Variants in MYO16 observed in about 807,000 individuals in gnomAD.
MYO16 encodes unconventional myosin-XVI.
In MYO16, 94 loss-of-function variants were observed where a neutral mutation model predicts 205.3. The observed-to-expected ratio is 0.46, with a 90% CI of 0.39 to 0.54. The LOEUF is 0.54. Among genes scored for constraint, MYO16 ranks in the 20% least tolerant of loss-of-function variants. MYO16 has a pLI of 0.00. For missense variants in MYO16, 2,315 were observed against 2,387.5 expected, an observed-to-expected ratio of 0.97 and a Z score of 0.63; for synonymous variants, 988 against 954.0, an observed-to-expected ratio of 1.04 and a Z score of -0.66.
upstream of MYO16, among the ~76,000 whole-genome samples, chr13:108,593,150 G>A (rs1878449022): frequency 6.6e-6 from 1 of 152,206 alleles, no homozygotes; most frequent in South Asian, 2.1e-4. Context: ...ATGAAGAGTA[G>A]TGAAGCGGGG....
At position 108,883,308 on chromosome 13, in the gene MYO16, T is replaced by G. The variant is rs781076450; in HGVS notation, c.1553+122T>G. 1.8e-5 allele frequency: 22 copies of G among 1,242,438 alleles called. 1 individual carries two copies. The highest frequency in any genetic ancestry group is 1.7e-4 in the South Asian group (10 of 58,468). 77.0% of individuals were successfully genotyped at this position (1,242,438 alleles called of 1,614,324 possible). A position where few individuals can be genotyped will look rare whatever the true frequency, so the allele number is the denominator to read the frequency against. On this transcript the variant is annotated intron_variant, in intron 13 of 34. Transcript: ENST00000457511. ...TCTCAGCACCTTGAGGTCCAGTATA[T>G]CTTTGCAATAAGTACATTTGACTCG...
intron 16 of MYO16, among the ~76,000 whole-genome samples, chr13:108,942,855 G>A (rs1012914764): frequency 2.6e-5 from 4 of 152,234 alleles, no homozygotes; most frequent in Non-Finnish European, 5.9e-5. Context: ...TGTTCAAGTC[G>A]ATCTTTATAA....
intron 27 of MYO16, among the ~76,000 whole-genome samples, chr13:109,065,346 C>T (rs564046085): frequency 6.6e-5 from 10 of 152,172 alleles, no homozygotes; most frequent in Admixed American, 4.6e-4. Flanking sequence ...CTTTAAAAGA[C>T]AGGACTTGCA....
At chr13:108,746,920 T>A (rs564588002) in intron 4 of MYO16, among the ~76,000 whole-genome samples, 1 of 151,866 alleles carries the variant, frequency 6.6e-6, no homozygotes, top group Non-Finnish European at 1.5e-5. Flanking sequence ...GCAGGAAAGA[T>A]ACCTTATTTA....
At chr13:109,135,133 A>T (rs1876714782) in intron 31 of MYO16, among the ~76,000 whole-genome samples, 1 of 152,196 alleles carries the variant, frequency 6.6e-6, no homozygotes, top group Admixed American at 6.5e-5. Context: ...ATCCCCCCAC[A>T]CAAGCAAAAT....
At chr13:108,751,623 C>T (rs995786298) in intron 4 of MYO16, among the ~76,000 whole-genome samples, 1 of 152,086 alleles carries the variant, frequency 6.6e-6, no homozygotes, top group Admixed American at 6.6e-5. Flanking sequence ...AAACAAGTGA[C>T]TTTTCAGGGG....
chr13:108,757,892 G>A (rs555684723), intron 4 of MYO16, among the ~76,000 whole-genome samples: 5 of 152,256 alleles, frequency 3.3e-5, no homozygotes, highest in East Asian at 3.9e-4. Context: ...ATATGTATGC[G>A]ACACAATGCC....
At chr13:109,099,521 A>C (rs1399636699) in intron 27 of MYO16, among the ~76,000 whole-genome samples, 1 of 152,132 alleles carries the variant, frequency 6.6e-6, no homozygotes, top group African/African-American at 2.4e-5. Context: ...CATTCATGAA[A>C]GCTCCACCCT....
intron 16 of MYO16, among the ~76,000 whole-genome samples, chr13:108,926,208 A>G (rs1419525853): frequency 6.6e-6 from 1 of 152,232 alleles, no homozygotes; most frequent in African/African-American, 2.4e-5. Flanking sequence ...GGAGGTGTCT[A>G]GAAGACCAGC....
rs1443431187 is a variant in MYO16, at chr13:109,070,354, C to G, written c.3335+14759C>G. Reference sequence around the variant, plus strand: ...CCATCGCCTGGCACTAGTGGGTGACCAACAGGTATTTGTTGAATGGACTAA... The same window carrying G: ...CCATCGCCTGGCACTAGTGGGTGACGAACAGGTATTTGTTGAATGGACTAA... On this transcript the variant is annotated intron_variant, in intron 27 of 34. Transcript: ENST00000457511. Among the ~76,000 whole-genome samples the G allele has an allele frequency of 4.6e-5, 7 of 152,168 alleles. No individual in the cohort carries two copies. In the East Asian group the frequency reaches 1.4e-3, roughly 29 times the overall value.
intron 27 of MYO16, among the ~76,000 whole-genome samples, chr13:109,059,405 T>C (rs968071791): frequency 6.6e-6 from 1 of 152,180 alleles, no homozygotes; most frequent in Non-Finnish European, 1.5e-5. Flanking sequence ...CTTCAGCAGT[T>C]TTTGGGTGAC....
upstream of MYO16, chr13:108,629,557 C>A (rs763870929): frequency 2.8e-6 from 1 of 351,786 alleles, no homozygotes; most frequent in Non-Finnish European, 5.2e-6. Context: ...TGACTATTCC[C>A]GGGATTGTGG....
At chr13:108,548,531 G>A in the MYO16 span, among the ~76,000 whole-genome samples, 12 of 151,038 alleles carry the variant, frequency 7.9e-5, no homozygotes, top group Non-Finnish European at 1.5e-4. Flanking sequence ...TAATGGTGGT[G>A]AGGATGATGA....
chr13:108,958,785 T>C (rs907396095), intron 17 of MYO16, among the ~76,000 whole-genome samples: 3 of 152,228 alleles, frequency 2.0e-5, no homozygotes, highest in Non-Finnish European at 2.9e-5. Context: ...CTTCAATCTC[T>C]ATTTCCCAGA....
intron 14 of MYO16, among the ~76,000 whole-genome samples, chr13:108,894,641 A>G (rs1338491317): frequency 6.6e-6 from 1 of 152,160 alleles, no homozygotes; most frequent in Non-Finnish European, 1.5e-5. Flanking sequence ...TTCTTACGAG[A>G]AGTGACTGAA....
chr13:109,172,271 C>G (rs1156359311), intron 33 of MYO16, among the ~76,000 whole-genome samples: 1 of 152,220 alleles, frequency 6.6e-6, no homozygotes. Flanking sequence ...GAAAAGGAAG[C>G]AAGCCTCACT....
chr13:108,816,115 G>A (rs938915540), intron 7 of MYO16, among the ~76,000 whole-genome samples: 3 of 151,988 alleles, frequency 2.0e-5, no homozygotes, highest in African/African-American at 7.3e-5. Flanking sequence ...GCCTTTACAT[G>A]GCATTCACAA....
chr13:108,973,480 A>G (rs1242290477), intron 20 of MYO16, among the ~76,000 whole-genome samples: 1 of 152,192 alleles, frequency 6.6e-6, no homozygotes, highest in African/African-American at 2.4e-5. Flanking sequence ...ACATATTTTG[A>G]TAATAAGGGA....
At position 109,033,306 on chromosome 13, in the gene MYO16, C is replaced by A. The variant is rs184872397; in HGVS notation, c.2796+13395C>A. ...TGTGCACAATACTCATTTTGCAGCT[C>A]AGACGGCTTCTCCTTTCACATACAG... On this transcript the variant is annotated intron_variant, in intron 23 of 34. Coordinates refer to ENST00000457511, the MANE Select transcript of MYO16 (RefSeq NM_001198950.3). Among the ~76,000 whole-genome samples the A allele has an allele frequency of 3.4e-3, 513 of 152,308 alleles. 6 individuals are homozygous for A. Among genetic ancestry groups the A allele is most frequent in the Non-Finnish European group, 2.9e-3 (200 of 68,030 alleles).
Sources: gnomAD v4.1 joint callset for allele counts (sites outside exome capture counted in the v4.1 genomes callset) on GRCh38, gnomAD v4.1.1 for gene constraint, MANE v1.5 for transcripts, NCBI Gene and HGNC (gene_info 2026-07-23, HGNC 2026-07-21) for gene names.